Variants in MAGI1 observed in about 807,000 individuals in gnomAD.
MAGI1 encodes membrane associated guanylate kinase, WW and PDZ domain containing 1.
Under a neutral mutation model 139.9 loss-of-function variants are expected in MAGI1, and 58 were observed. The observed-to-expected ratio is 0.41, with a 90% CI of 0.34 to 0.52. The LOEUF (loss-of-function observed/expected upper bound fraction) is 0.52, where lower values mean the gene tolerates loss of function less well. MAGI1 is among the 20% of genes least tolerant of loss of function. The pLI is 0.12. For synonymous variants in MAGI1, 812 were observed against 737.9 expected, an observed-to-expected ratio of 1.10 and a Z score of -1.63; for missense variants, 1,874 against 1,901.6, an observed-to-expected ratio of 0.99 and a Z score of 0.27.
chr3:65,467,867 G>C (rs770038841), intron 5 of MAGI1, among the ~76,000 whole-genome samples: 5 of 152,094 alleles, frequency 3.3e-5, no homozygotes, highest in Non-Finnish European at 5.9e-5. Flanking sequence ...CAAAAGCTAA[G>C]TAAAAAATCC....
chr3:65,796,822 G>GTAC (rs925792371), intron 1 of MAGI1, among the ~76,000 whole-genome samples: 2 of 152,206 alleles, frequency 1.3e-5, no homozygotes, highest in African/African-American at 4.8e-5. Flanking sequence ...AAGCGGCCTT[G>GTAC]TACTATACAT....
intron 2 of MAGI1, chr3:65,549,416 C>T (rs2079703393): frequency 1.0e-6 from 1 of 985,112 alleles, no homozygotes; most frequent in South Asian, 4.7e-5. Context: ...ACCTGCGGGC[C>T]CCGGAGCGGC....
At chr3:65,417,819 A>AT (rs1021923917) in intron 12 of MAGI1, among the ~76,000 whole-genome samples, 5 of 152,024 alleles carry the variant, frequency 3.3e-5, no homozygotes, top group East Asian at 1.9e-4. Context: ...ATCTGAAAAT[A>AT]TTTTTTTTAA....
chr3:65,753,697 C>CAAA (rs35459634), intron 1 of MAGI1, among the ~76,000 whole-genome samples: 1 of 104,188 alleles, frequency 9.6e-6, no homozygotes, highest in African/African-American at 3.3e-5. Flanking sequence ...AACTCCATCT[C>CAAA]AAAAAAAAAA....
intron 2 of MAGI1, among the ~76,000 whole-genome samples, chr3:65,593,784 T>A (rs1008875637): frequency 7.9e-5 from 12 of 152,176 alleles, no homozygotes; most frequent in Admixed American, 7.9e-4. Context: ...GGGAAACATA[T>A]TGATATCTCA....
At chr3:65,549,512 C>T (rs1243341632) in intron 2 of MAGI1, 2 of 984,280 alleles carry the variant, frequency 2.0e-6, no homozygotes, top group Non-Finnish European at 2.4e-6. Flanking sequence ...AGCGGCCCGG[C>T]GGCAGCTGCT....
At chr3:65,928,360 T>G (rs1250929630) in intron 1 of MAGI1, among the ~76,000 whole-genome samples, 1 of 152,236 alleles carries the variant, frequency 6.6e-6, no homozygotes, top group Non-Finnish European at 1.5e-5. Flanking sequence ...CTGATTGCAC[T>G]TGCTCTGAGA....
intron 1 of MAGI1, among the ~76,000 whole-genome samples, chr3:65,710,181 A>G (rs553990351): frequency 6.6e-6 from 1 of 152,238 alleles, no homozygotes; most frequent in South Asian, 2.1e-4. Context: ...AATAGAAGGC[A>G]GACAAGCGAT....
chr3:65,635,694 T>C (rs927570091), intron 1 of MAGI1, among the ~76,000 whole-genome samples: 1 of 152,250 alleles, frequency 6.6e-6, no homozygotes, highest in Non-Finnish European at 1.5e-5. Flanking sequence ...TGAGATCCCA[T>C]TGGTATTCCA....
chr3:65,497,078 C>G (rs1459692852), intron 2 of MAGI1, among the ~76,000 whole-genome samples: 4 of 151,972 alleles, frequency 2.6e-5, no homozygotes, highest in African/African-American at 7.3e-5. Flanking sequence ...CTAACAGACA[C>G]CTACGAGCAG....
intron 5 of MAGI1, among the ~76,000 whole-genome samples, chr3:65,462,021 G>C (rs1232905073): frequency 6.6e-6 from 1 of 151,950 alleles, no homozygotes; most frequent in African/African-American, 2.4e-5. Flanking sequence ...CTGGATGTTA[G>C]CCCTTTGAAT....
At chr3:65,621,873 G>A (rs781005234) in intron 2 of MAGI1, 99 bp downstream of exon 2, 86 of 797,136 alleles carry the variant, frequency 1.1e-4, no homozygotes, top group Middle Eastern at 3.7e-4. Context: ...ACCACCAGGT[G>A]TTCCAGAACC....
chr3:65,877,690 G>C (rs1331955560), intron 1 of MAGI1, among the ~76,000 whole-genome samples: 1 of 152,120 alleles, frequency 6.6e-6, no homozygotes, highest in Non-Finnish European at 1.5e-5. Flanking sequence ...CAAGTGGCTG[G>C]GATTACAGAC....
At chr3:65,876,783 G>A (rs1283726636) in intron 1 of MAGI1, among the ~76,000 whole-genome samples, 19 of 142,402 alleles carry the variant, frequency 1.3e-4, no homozygotes, top group South Asian at 6.6e-4. Flanking sequence ...TTGCTCTGTC[G>A]CCCAGGATGG....
intron 1 of MAGI1, among the ~76,000 whole-genome samples, chr3:66,002,861 G>A (rs540530455): frequency 2.6e-5 from 4 of 152,110 alleles, no homozygotes; most frequent in Non-Finnish European, 5.9e-5. Context: ...TTCAAAGGTG[G>A]CCTTCCTGGT....
intron 2 of MAGI1, among the ~76,000 whole-genome samples, chr3:65,518,090 T>C (rs2077986576): frequency 6.6e-6 from 1 of 152,204 alleles, no homozygotes; most frequent in African/African-American, 2.4e-5. Flanking sequence ...CCATATTAGG[T>C]GCTGAATAAA....
At position 65,354,056 on chromosome 3, in the gene MAGI1, A is replaced by T. The variant is rs1196130378; in HGVS notation, c.*2322T>A. ...CCCAAAATCCACCTTGATTTCATTT[A>T]TTTAAAACTCTGGATCACAATTGAG... On this transcript the variant is annotated 3_prime_UTR_variant, in exon 23 of 23. Transcript: ENST00000402939. The T allele has an allele frequency of 6.6e-6, 1 of 152,238 alleles. No individual in the cohort carries two copies. The highest frequency in any genetic ancestry group is 2.4e-5 in the African/African-American group (1 of 41,460). 9.4% of individuals were successfully genotyped at this position (152,238 alleles called of 1,614,324 possible).
intron 1 of MAGI1, among the ~76,000 whole-genome samples, chr3:65,635,067 G>C (rs1390027145): frequency 6.6e-6 from 1 of 150,436 alleles, no homozygotes; most frequent in Non-Finnish European, 1.5e-5. Flanking sequence ...AACTTTCAAA[G>C]TAAAAAAGTA....
chr3:65,569,807 C>G (rs552518966), intron 2 of MAGI1, among the ~76,000 whole-genome samples: 16 of 151,098 alleles, frequency 1.1e-4, no homozygotes, highest in Non-Finnish European at 2.2e-4. Flanking sequence ...CCTGGGACAT[C>G]AAGGCTGCAG....
Sources: gnomAD v4.1 joint callset for allele counts (sites outside exome capture counted in the v4.1 genomes callset) on GRCh38, gnomAD v4.1.1 for gene constraint, MANE v1.5 for transcripts, NCBI Gene and HGNC (gene_info 2026-07-23, HGNC 2026-07-21) for gene names.